Variants in PTPN3 observed in about 807,000 individuals in gnomAD.
PTPN3 encodes tyrosine-protein phosphatase non-receptor type 3.
In PTPN3, 96 loss-of-function variants were observed where a neutral mutation model predicts 132.7. That is an observed-to-expected ratio of 0.72 (90% confidence interval 0.61 to 0.86). The LOEUF is 0.86. PTPN3 is among the 40% of genes least tolerant of loss of function. The pLI is 0.00. For synonymous variants in PTPN3, 398 were observed against 429.0 expected (o/e 0.93, Z 0.89); for missense variants, 1,125 against 1,159.6 (o/e 0.97, Z 0.43).
intron 2 of PTPN3, among the ~76,000 whole-genome samples, chr9:109,461,592 C>T (rs896258100): frequency 1.3e-5 from 2 of 151,688 alleles, no homozygotes; most frequent in Admixed American, 6.6e-5. Context: ...CTCGTTTCTA[C>T]AAAAAAATAA....
chr9:109,509,804 T>A, the PTPN3 span, among the ~76,000 whole-genome samples: 1 of 152,064 alleles, frequency 6.6e-6, no homozygotes, highest in Non-Finnish European at 1.5e-5. Context: ...TCTTTGTAGT[T>A]GATGTTGGGT....
chr9:109,402,089 C>A (rs1333787497), intron 19 of PTPN3, among the ~76,000 whole-genome samples: 2 of 152,138 alleles, frequency 1.3e-5, no homozygotes, highest in Non-Finnish European at 2.9e-5. Flanking sequence ...AAGACACACT[C>A]GCTAAATCAA....
chr9:109,380,566 A>C (rs963403664), intron 25 of PTPN3, among the ~76,000 whole-genome samples: 1 of 152,198 alleles, frequency 6.6e-6, no homozygotes, highest in African/African-American at 2.4e-5. Context: ...TCCAGCTGGG[A>C]AAATCTACCA....
intron 2 of PTPN3, among the ~76,000 whole-genome samples, chr9:109,459,747 G>T (rs1190009224): frequency 1.3e-5 from 2 of 152,082 alleles, no homozygotes; most frequent in Non-Finnish European, 2.9e-5. Context: ...CTCACTCGGG[G>T]TAGGTGCTTG....
chr9:109,500,070 C>T (rs1389097951), upstream of PTPN3, among the ~76,000 whole-genome samples: 1 of 152,258 alleles, frequency 6.6e-6, no homozygotes, highest in African/African-American at 2.4e-5. Context: ...GTCCTTTCCC[C>T]ACTGCCTTAT....
In PTPN3 at chr9:109,433,071, A is replaced by G; in HGVS notation, c.764+2T>C. On this transcript the variant is annotated splice_donor_variant, in intron 10 of 25. Coordinates refer to ENST00000374541, the MANE Select transcript of PTPN3 (RefSeq NM_002829.4). LOFTEE classifies it high-confidence loss of function. ...AAAATAATGAGAACTGTTTGCACTTACCAAGGATAGAAACTTGTGCAAATG... is the reference window on the plus strand; with the variant it reads ...AAAATAATGAGAACTGTTTGCACTTGCCAAGGATAGAAACTTGTGCAAATG... 6.2e-7 allele frequency: 1 copy of G among 1,613,974 alleles called. No homozygotes were observed. Among genetic ancestry groups the G allele is most frequent in the Non-Finnish European group, 8.5e-7 (1 of 1,179,950 alleles).
chr9:109,410,905 C>A (rs1842027426), intron 14 of PTPN3, among the ~76,000 whole-genome samples: 1 of 152,162 alleles, frequency 6.6e-6, no homozygotes, highest in Admixed American at 6.5e-5. Context: ...TTATATTATT[C>A]CTAGTTGGCA....
chr9:109,489,141 T>G (rs1410287400), intron 1 of PTPN3, among the ~76,000 whole-genome samples: 1 of 152,230 alleles, frequency 6.6e-6, no homozygotes, highest in East Asian at 1.9e-4. Context: ...GAAGCACAGC[T>G]GGCTTGTTCA....
chr9:109,525,861 T>G, the PTPN3 span, among the ~76,000 whole-genome samples: 1 of 152,234 alleles, frequency 6.6e-6, no homozygotes, highest in African/African-American at 2.4e-5. Flanking sequence ...TACTTAAAAT[T>G]GGTGAATTTT....
chr9:109,513,956 T>G, the PTPN3 span, among the ~76,000 whole-genome samples: 1 of 152,172 alleles, frequency 6.6e-6, no homozygotes. Flanking sequence ...GTGTTCCACA[T>G]GTACTTCAAG....
chr9:109,506,608 T>G, the PTPN3 span, among the ~76,000 whole-genome samples: 1 of 26,074 alleles, frequency 3.8e-5, no homozygotes, highest in East Asian at 0.015. Flanking sequence ...TCTTTCTTTC[T>G]TTTTTTTTTT....
At chr9:109,480,940 T>A (rs1436289335) in intron 1 of PTPN3, among the ~76,000 whole-genome samples, 3 of 152,066 alleles carry the variant, frequency 2.0e-5, no homozygotes, top group African/African-American at 7.2e-5. Context: ...GGATGCATGG[T>A]TGGATGGTTG....
intron 16 of PTPN3, among the ~76,000 whole-genome samples, chr9:109,409,607 G>C (rs903817458): frequency 6.6e-6 from 1 of 152,000 alleles, no homozygotes; most frequent in African/African-American, 2.4e-5. Context: ...TGAGTAGATT[G>C]CCAGGTGTTT....
chr9:109,512,896 C>T, the PTPN3 span, among the ~76,000 whole-genome samples: 1 of 152,214 alleles, frequency 6.6e-6, no homozygotes, highest in Non-Finnish European at 1.5e-5. Context: ...GGTCCTTTTC[C>T]CTCCCTCCTC....
chr9:109,534,803 AAAACAAAC>A, the PTPN3 span, among the ~76,000 whole-genome samples: 1,187 of 150,658 alleles, frequency 7.9e-3, 14 homozygotes, highest in African/African-American at 0.023. Flanking sequence ...ACTCCGTCTC[AAAACAAAC>A]AAACAAACAA....
chr9:109,422,794 T>C lies in PTPN3; in HGVS notation c.1060A>G (p.Met354Val). 6.2e-7 allele frequency: 1 copy of C among 1,612,258 alleles called. No homozygotes were observed. The highest frequency in any genetic ancestry group is 1.6e-4 in the Middle Eastern group (1 of 6,062). The change falls in exon 13 of 26, where the codon ATG becomes GTG. Residue 354 changes from methionine to valine, a missense_variant. Transcript: ENST00000374541. Reference sequence around the variant, plus strand: ...TGCTCCACTGATAAGGATCTCCGCATGGCTGGGTTCCACACCATCCCGCCA... The same window carrying C: ...TGCTCCACTGATAAGGATCTCCGCACGGCTGGGTTCCACACCATCCCGCCA... ...VIGGMVWNPA[M>V]RRSLSVEHLE... is the part of the protein sequence containing the mutation.
At chr9:109,477,684 A>G (rs1381990429) in intron 1 of PTPN3, among the ~76,000 whole-genome samples, 1 of 152,200 alleles carries the variant, frequency 6.6e-6, no homozygotes, top group Non-Finnish European at 1.5e-5. Context: ...GGGCAGAAAC[A>G]GGCCATCTCA....
rs1168870802 is a variant in PTPN3 at position 109,379,706 on chromosome 9, G to T, written c.2665-73C>A. On this transcript the variant is annotated intron_variant, in intron 25 of 25. Coordinates refer to ENST00000374541, the MANE Select transcript of PTPN3 (RefSeq NM_002829.4). ...TGCCTACCACACCCTGTACCGGTGG[G>T]TCTTTTGCAGCATTTGTAAATATTC... 1.0e-5 allele frequency: 13 copies of T among 1,263,126 alleles called. 1 individual carries two copies. The Admixed American group carries it at 2.1e-4, about 20-fold the overall frequency. The allele number at this position is 1,263,126 out of a possible 1,614,324, so 78.2% of individuals were successfully genotyped here.
At chr9:109,472,765 C>T (rs1279162266) in intron 1 of PTPN3, among the ~76,000 whole-genome samples, 2 of 152,134 alleles carry the variant, frequency 1.3e-5, no homozygotes, top group Admixed American at 6.5e-5. Context: ...AAGATAAATA[C>T]ACTAAATACA....
Sources: gnomAD v4.1 joint callset for allele counts (sites outside exome capture counted in the v4.1 genomes callset) on GRCh38, gnomAD v4.1.1 for gene constraint, MANE v1.5 for transcripts, NCBI Gene and HGNC (gene_info 2026-07-23, HGNC 2026-07-21) for gene names.